The following CREBBP variants were observed in gnomAD, a reference collection of about 807,000 sequenced individuals.
CREBBP encodes CREB binding lysine acetyltransferase.
CREBBP carries 19 observed loss-of-function variants against 265.0 expected under a neutral mutation model. The ratio of observed to expected loss-of-function variants is 0.07; its 90% CI spans 0.05 to 0.11. The LOEUF (loss-of-function observed/expected upper bound fraction) is 0.11. CREBBP is among the 10% of genes least tolerant of loss of function. The pLI is 1.00. For synonymous variants in CREBBP, 1,457 were observed against 1,223.7 expected (o/e 1.19, Z -3.98); for missense variants, 2,525 against 3,219.0 (o/e 0.78, Z 5.22).
intron 23 of CREBBP, chr16:3,741,988 G>C (rs2052224100): frequency 6.6e-6 from 1 of 152,280 alleles, no homozygotes; most frequent in Non-Finnish European, 1.5e-5. Context: ...GCTGAGGCAG[G>C]CGAATGGCGT....
chr16:3,795,898 C>T (rs986425225), intron 3 of CREBBP, among the ~76,000 whole-genome samples: 1 of 152,186 alleles, frequency 6.6e-6, no homozygotes, highest in African/African-American at 2.4e-5. Flanking sequence ...AAAGAACCAT[C>T]CTTCTTGGGC....
At position 3,770,756 on chromosome 16, in the gene CREBBP, A is replaced by G; in HGVS notation, c.2694T>C (p.Thr898=). The G allele has an allele frequency of 6.2e-7, 1 of 1,613,970 alleles. No homozygotes were observed. The highest frequency in any genetic ancestry group is 8.5e-7 in the Non-Finnish European group (1 of 1,179,986). ...PSTPVSSSGQ[T]PTPTPGSVPS... ...GCACTGAGCCAGGAGTCGGGGTGGG[A>G]GTCTGCCCGGAAGACGACACAGGAG... is the stretch of plus-strand genomic sequence containing the variant. The change falls in exon 14 of 31, where the codon ACT becomes ACC. Residue 898 remains threonine, a synonymous_variant. Coordinates refer to ENST00000262367, the MANE Select transcript of CREBBP (RefSeq NM_004380.3).
chr16:3,807,967 G>C (rs1056107321), intron 3 of CREBBP, among the ~76,000 whole-genome samples: 11 of 152,156 alleles, frequency 7.2e-5, no homozygotes, highest in African/African-American at 2.7e-4. Flanking sequence ...ACAGGCATTT[G>C]TGGATCTGTC....
At chr16:3,789,076 A>C (rs920095919) in intron 5 of CREBBP, among the ~76,000 whole-genome samples, 7 of 152,238 alleles carry the variant, frequency 4.6e-5, no homozygotes, top group African/African-American at 1.7e-4. Context: ...CTCAGTAGAG[A>C]CATTAATCAC....
intron 19 of CREBBP, among the ~76,000 whole-genome samples, chr16:3,753,683 AT>A (rs2052524949): frequency 6.6e-6 from 1 of 152,222 alleles, no homozygotes; most frequent in African/African-American, 2.4e-5. Context: ...GCAAGAAGGA[AT>A]TAAAGTACAG....
At position 3,774,731 on chromosome 16, in the gene CREBBP, C is replaced by T. The variant is rs55726566; in HGVS notation, c.2159-38G>A. On this transcript the variant is annotated intron_variant, in intron 11 of 30. Coordinates refer to ENST00000262367, the MANE Select transcript of CREBBP (RefSeq NM_004380.3). Reference sequence around the variant, plus strand: ...CCACAACGGTTCATTAGGAAAAGCACCCACAGGAAAACAGAATTACAACTT... The same window carrying T: ...CCACAACGGTTCATTAGGAAAAGCATCCACAGGAAAACAGAATTACAACTT... 4.0e-3 allele frequency: 6,524 copies of T among 1,613,702 alleles called. 237 individuals carry two copies. In the African/African-American group the frequency reaches 0.075, roughly 18 times the overall value.
At chr16:3,787,958 G>A (rs1244902422) in intron 5 of CREBBP, among the ~76,000 whole-genome samples, 2 of 152,200 alleles carry the variant, frequency 1.3e-5, no homozygotes, top group African/African-American at 2.4e-5. Flanking sequence ...GATTACAGAC[G>A]TTAGCCACTG....
chr16:3,737,455 CTTTTTTTTTTTTT>C (rs1193629591), intron 26 of CREBBP, among the ~76,000 whole-genome samples: 3 of 142,568 alleles, frequency 2.1e-5, no homozygotes, highest in Non-Finnish European at 4.6e-5. Flanking sequence ...TTTCTTTTTT[CTTTTTTTTTTTTT>C]GCGGGCGGGG....
At position 3,745,001 on chromosome 16, in the gene CREBBP, AT is replaced by A. The variant is rs763287527; in HGVS notation, c.3915-41del. The A allele has an allele frequency of 1.0e-5, 15 of 1,443,860 alleles. No homozygotes were observed. The South Asian group carries it at 1.7e-4, about 17-fold the overall frequency. The allele number at this position is 1,443,860 out of a possible 1,614,324, so 89.4% of individuals were successfully genotyped here. A position where few individuals can be genotyped will look rare whatever the true frequency, so the allele number is the denominator to read the frequency against. ...TGGTATGATGAGACTGTATATAATGATGTAAATTGTCAAACCAACAAAATGC... is the reference window on the plus strand; with the variant it reads ...TGGTATGATGAGACTGTATATAATGAGTAAATTGTCAAACCAACAAAATGC... On this transcript the variant is annotated intron_variant, in intron 22 of 30. Coordinates refer to ENST00000262367, the MANE Select transcript of CREBBP (RefSeq NM_004380.3).
At chr16:3,735,130 T>A (rs1215039520) in intron 28 of CREBBP, among the ~76,000 whole-genome samples, 2 of 151,886 alleles carry the variant, frequency 1.3e-5, no homozygotes, top group Non-Finnish European at 2.9e-5. Context: ...GCCTGGCGGG[T>A]CCTCTTCCAG....
chr16:3,852,262 G>T, intron 1 of CREBBP, among the ~76,000 whole-genome samples: 1 of 133,328 alleles, frequency 7.5e-6, no homozygotes, highest in Non-Finnish European at 1.6e-5. Context: ...TCCGCCTCCC[G>T]GGTTCACGCC....
chr16:3,837,136 C>A (rs755947264), intron 2 of CREBBP, among the ~76,000 whole-genome samples: 18 of 152,136 alleles, frequency 1.2e-4, no homozygotes, highest in Non-Finnish European at 2.2e-4. Flanking sequence ...GCAGCATTGT[C>A]ATTATAGGAG....
intron 2 of CREBBP, among the ~76,000 whole-genome samples, chr16:3,811,113 G>C (rs569064909): frequency 8.0e-4 from 122 of 152,196 alleles, no homozygotes; most frequent in Middle Eastern, 3.4e-3. Context: ...TACCCAAGGG[G>C]AATTCTTTCA....
intron 2 of CREBBP, among the ~76,000 whole-genome samples, chr16:3,845,309 G>A (rs1294984184): frequency 4.6e-5 from 7 of 152,150 alleles, no homozygotes; most frequent in East Asian, 3.9e-4. Context: ...AATAACTAGT[G>A]AGGTCATATA....
chr16:3,787,009 T>A (rs1188315490), intron 5 of CREBBP, among the ~76,000 whole-genome samples: 1 of 150,102 alleles, frequency 6.7e-6, no homozygotes, highest in Admixed American at 6.6e-5. Context: ...AGACGGAGGT[T>A]GCGGTGAACT....
intron 3 of CREBBP, among the ~76,000 whole-genome samples, chr16:3,800,417 C>G (rs1453332176): frequency 1.3e-5 from 2 of 152,278 alleles, no homozygotes; most frequent in East Asian, 1.9e-4. Flanking sequence ...TTGCACCCGG[C>G]CTTCCAGTAA....
intron 2 of CREBBP, among the ~76,000 whole-genome samples, chr16:3,825,138 A>G (rs745684105): frequency 6.6e-6 from 1 of 152,202 alleles, no homozygotes; most frequent in Non-Finnish European, 1.5e-5. Context: ...AATAATTTAA[A>G]GTCAATAACT....
intron 19 of CREBBP, among the ~76,000 whole-genome samples, chr16:3,753,733 C>T (rs959783535): frequency 6.6e-6 from 1 of 152,024 alleles, no homozygotes; most frequent in Non-Finnish European, 1.5e-5. Context: ...AAACAATACA[C>T]AAAAAAGACA....
At chr16:3,757,730 G>T (rs129995) in intron 18 of CREBBP, 79 bp downstream of exon 18, 1 of 1,582,960 alleles carries the variant, frequency 6.3e-7, no homozygotes. Context: ...GTATACAGGC[G>T]TGGTCTCATA....
Sources: gnomAD v4.1 joint callset for allele counts (sites outside exome capture counted in the v4.1 genomes callset) on GRCh38, gnomAD v4.1.1 for gene constraint, MANE v1.5 for transcripts, NCBI Gene and HGNC (gene_info 2026-07-23, HGNC 2026-07-21) for gene names.